Variants in GRM1 observed in about 807,000 individuals in gnomAD.
GRM1 encodes glutamate metabotropic receptor 1.
In GRM1, 33 loss-of-function variants were observed where a neutral mutation model predicts 90.9. The ratio of observed to expected loss-of-function variants is 0.36; its 90% CI spans 0.28 to 0.49. The LOEUF (loss-of-function observed/expected upper bound fraction) is 0.49. Ranked by LOEUF, GRM1 falls within the 20% of genes least tolerant of loss-of-function variation. GRM1 has a pLI of 0.99. For synonymous variants in GRM1, 700 were observed against 613.2 expected (o/e 1.14, Z -2.09); for missense variants, 1,190 against 1,534.3 (o/e 0.78, Z 3.75).
chr6:146,134,894 GGACTCCAGTCTGGAT>G (rs1227225315), intron 1 of GRM1, among the ~76,000 whole-genome samples: 2 of 152,092 alleles, frequency 1.3e-5, no homozygotes. Flanking sequence ...TGGCACCACT[GGACTCCAGTCTGGAT>G]GACAGAGCGT....
chr6:146,066,541 G>T (rs528724664), intron 1 of GRM1, among the ~76,000 whole-genome samples: 1 of 152,016 alleles, frequency 6.6e-6, no homozygotes, highest in Admixed American at 6.6e-5. Flanking sequence ...CTTTTTGGTC[G>T]AACAGTTTAT....
intron 1 of GRM1, among the ~76,000 whole-genome samples, chr6:146,111,375 A>G (rs191544892): frequency 2.6e-4 from 39 of 152,364 alleles, no homozygotes; most frequent in Admixed American, 5.9e-4. Flanking sequence ...AATGCATACT[A>G]TATCCCAGGT....
At chr6:146,408,468 A>G (rs187021079) in intron 7 of GRM1, among the ~76,000 whole-genome samples, 14 of 152,344 alleles carry the variant, frequency 9.2e-5, no homozygotes, top group Admixed American at 6.5e-4. Flanking sequence ...GAAAATTTGT[A>G]TAAAGAGCAC....
At chr6:146,055,847 C>T (rs914139821) in intron 1 of GRM1, among the ~76,000 whole-genome samples, 1 of 152,012 alleles carries the variant, frequency 6.6e-6, no homozygotes, top group African/African-American at 2.4e-5. Context: ...TGTGTATTTA[C>T]TTTATTTAGT....
chr6:146,173,615 T>C (rs756279290), intron 2 of GRM1, among the ~76,000 whole-genome samples: 5 of 151,636 alleles, frequency 3.3e-5, no homozygotes, highest in Non-Finnish European at 4.4e-5. Flanking sequence ...CAGAGTTTTA[T>C]CTAAATTCTG....
chr6:146,178,048 T>C (rs1477730172), intron 2 of GRM1, among the ~76,000 whole-genome samples: 1 of 152,184 alleles, frequency 6.6e-6, no homozygotes, highest in Admixed American at 6.5e-5. Context: ...AATGAATCAA[T>C]ATTGATACTG....
Position 146,399,751 on chromosome 6 carries a change from T to TTC in GRM1, c.2660+74_2660+75dup, listed in dbSNP as rs57974513. ...CTTTTCTCTTCCTTTCTCTGTCTCTTTCTCTCTCTCTCTCTCTCTCTCTTT... is the reference window on the plus strand; with the variant it reads ...CTTTTCTCTTCCTTTCTCTGTCTCTTTCTCTCTCTCTCTCTCTCTCTCTCTTT... On this transcript the variant is annotated intron_variant, in intron 7 of 7. Transcript: ENST00000282753. The surrounding 1 kb of genome is among the most constrained non-coding windows in gnomAD (Gnocchi z 5.4). The TTC allele has an allele frequency of 0.053, 55,749 of 1,060,832 alleles. 398 individuals carry two copies. Among genetic ancestry groups the TTC allele is most frequent in the South Asian group, 0.14 (10,189 of 73,192 alleles). 65.7% of individuals were successfully genotyped at this position (1,060,832 alleles called of 1,614,324 possible). A position where few individuals can be genotyped will look rare whatever the true frequency, so the allele number is the denominator to read the frequency against.
chr6:146,308,997 G>A (rs1783684509), intron 3 of GRM1, among the ~76,000 whole-genome samples: 1 of 152,076 alleles, frequency 6.6e-6, no homozygotes, highest in Non-Finnish European at 1.5e-5. Flanking sequence ...AAATGTTGCA[G>A]TGATATAATA....
intron 5 of GRM1, among the ~76,000 whole-genome samples, chr6:146,368,540 A>G (rs1242399118): frequency 6.6e-6 from 1 of 152,052 alleles, no homozygotes; most frequent in Non-Finnish European, 1.5e-5. Context: ...ATGTTGACAG[A>G]CATTTCTTAT....
chr6:146,273,925 G>C (rs1263053656), intron 2 of GRM1, among the ~76,000 whole-genome samples: 1 of 152,108 alleles, frequency 6.6e-6, no homozygotes, highest in East Asian at 1.9e-4. Flanking sequence ...TGTGTTCCTG[G>C]TAATGGAATT....
intron 1 of GRM1, among the ~76,000 whole-genome samples, chr6:146,125,465 C>G (rs372961287): frequency 1.3e-5 from 2 of 150,528 alleles, no homozygotes; most frequent in African/African-American, 2.5e-5. Context: ...CTTTCTCTGC[C>G]CCCCCCTCAA....
intron 5 of GRM1, among the ~76,000 whole-genome samples, chr6:146,364,056 C>T (rs1023509637): frequency 1.3e-5 from 2 of 152,204 alleles, no homozygotes; most frequent in African/African-American, 2.4e-5. Context: ...ATCCAAGTAG[C>T]TCATCTGCTG....
intron 5 of GRM1, among the ~76,000 whole-genome samples, chr6:146,385,341 G>A (rs1406983529): frequency 2.0e-5 from 3 of 151,958 alleles, no homozygotes; most frequent in Non-Finnish European, 4.4e-5. Context: ...AGCACTGAAA[G>A]CAAAAATAAT....
At chr6:146,270,957 C>CCTTCCTTCCTTCCTTCCT (rs1782132306) in intron 2 of GRM1, among the ~76,000 whole-genome samples, 2 of 92,378 alleles carry the variant, frequency 2.2e-5, no homozygotes, top group Admixed American at 1.1e-4. Flanking sequence ...TCCTTCCTTT[C>CCTTCCTTCCTTCCTTCCT]TTTCTTTCTT....
chr6:146,041,043 C>A (rs1052922890), intron 1 of GRM1, among the ~76,000 whole-genome samples: 4 of 151,810 alleles, frequency 2.6e-5, no homozygotes, highest in African/African-American at 4.8e-5. Flanking sequence ...CCCTCTGATG[C>A]ATTTTTTTTG....
chr6:146,051,002 T>A (rs1157630968), intron 1 of GRM1, among the ~76,000 whole-genome samples: 1 of 152,022 alleles, frequency 6.6e-6, no homozygotes, highest in Admixed American at 6.6e-5. Context: ...GCTACTAGCC[T>A]TTTAAATTTT....
chr6:146,304,138 C>T (rs1783491590), intron 2 of GRM1, among the ~76,000 whole-genome samples: 1 of 152,146 alleles, frequency 6.6e-6, no homozygotes. Context: ...TGGCATGTTT[C>T]AGAACTATAT....
chr6:146,344,354 T>C (rs546483365), intron 3 of GRM1, among the ~76,000 whole-genome samples: 1 of 152,336 alleles, frequency 6.6e-6, no homozygotes, highest in East Asian at 1.9e-4. Context: ...CTGTGACCTC[T>C]CAAGGTGATC....
chr6:146,046,937 C>G (rs966248469), intron 1 of GRM1, among the ~76,000 whole-genome samples: 2 of 151,886 alleles, frequency 1.3e-5, no homozygotes, highest in African/African-American at 4.8e-5. Flanking sequence ...AAATAAGAGG[C>G]ATTAAAACTG....
Sources: gnomAD v4.1 joint callset for allele counts (sites outside exome capture counted in the v4.1 genomes callset) on GRCh38, gnomAD v4.1.1 for gene constraint, Gnocchi (gnomAD v3.1) non-coding constraint, MANE v1.5 for transcripts, NCBI Gene and HGNC (gene_info 2026-07-23, HGNC 2026-07-21) for gene names.